The following PIK3C2G variants were observed in gnomAD, a reference collection of about 807,000 sequenced individuals.
PIK3C2G encodes the protein phosphatidylinositol 3-kinase C2 domain-containing subunit gamma.
A neutral mutation model predicts 181.1 loss-of-function variants in PIK3C2G; 168 were observed. The observed-to-expected ratio is 0.93, with a 90% CI of 0.82 to 1.05. The LOEUF (loss-of-function observed/expected upper bound fraction) is 1.05. Ranked by LOEUF, PIK3C2G falls within the 50% of genes least tolerant of loss-of-function variation. PIK3C2G has a pLI of 0.00. For synonymous variants in PIK3C2G, 573 were observed against 592.2 expected, an observed-to-expected ratio of 0.97 and a Z score of 0.47; for missense variants, 1,869 against 1,732.8, an observed-to-expected ratio of 1.08 and a Z score of -1.40.
chr12:18,631,373 G>T (rs1310206678), intron 31 of PIK3C2G, among the ~76,000 whole-genome samples: 1 of 152,120 alleles, frequency 6.6e-6, no homozygotes, highest in Non-Finnish European at 1.5e-5. Flanking sequence ...CAATATTCAA[G>T]GACCTCGTCA....
chr12:18,669,849 T>A, the PIK3C2G span, among the ~76,000 whole-genome samples: 10 of 152,236 alleles, frequency 6.6e-5, no homozygotes, highest in Admixed American at 3.3e-4. Context: ...GTTTGCTCAT[T>A]TAGCAGAGAC....
the PIK3C2G span, among the ~76,000 whole-genome samples, chr12:18,698,931 TA>T: frequency 1.3e-5 from 2 of 152,046 alleles, no homozygotes; most frequent in Non-Finnish European, 2.9e-5. Context: ...CCCCTGCTAC[TA>T]AAAAAAACTG....
intron 29 of PIK3C2G, among the ~76,000 whole-genome samples, chr12:18,582,862 C>T (rs779859164): frequency 1.3e-5 from 2 of 151,984 alleles, no homozygotes; most frequent in Non-Finnish European, 2.9e-5. Context: ...GCAAGGACCT[C>T]CCAGCTGGTA....
chr12:18,606,745 A>T (rs1407958809), intron 30 of PIK3C2G, among the ~76,000 whole-genome samples: 1 of 152,074 alleles, frequency 6.6e-6, no homozygotes, highest in African/African-American at 2.4e-5. Context: ...CTTTCTGATG[A>T]CCATTGACAA....
At chr12:18,651,213 C>G (rs1053940941), downstream of PIK3C2G, among the ~76,000 whole-genome samples, 1 of 151,948 alleles carries the variant, frequency 6.6e-6, no homozygotes, top group African/African-American at 2.4e-5. Flanking sequence ...TCAGCCAACT[C>G]CTTCTTCCCA....
At chr12:18,596,770 G>C in intron 30 of PIK3C2G, among the ~76,000 whole-genome samples, 1 of 152,060 alleles carries the variant, frequency 6.6e-6, no homozygotes, top group East Asian at 1.9e-4. Context: ...CTACATGCCA[G>C]GGTCTCACTA....
chr12:18,642,757 A>G (rs556776492), intron 32 of PIK3C2G, among the ~76,000 whole-genome samples: 1 of 151,736 alleles, frequency 6.6e-6, no homozygotes, highest in African/African-American at 2.4e-5. Context: ...GATGTGTAAT[A>G]AATATTCGGG....
rs1452033779 is a variant in PIK3C2G, at chr12:18,270,464, G to A, written c.-79+8887G>A. ...TTTTGTAGAGTTATGCTGAACTTAG[G>A]GAATAACATTAAATGTGGCCCAAGG... On this transcript the variant is annotated intron_variant, in intron 1 of 32. Transcript: ENST00000538779. Among the ~76,000 whole-genome samples the A allele has an allele frequency of 2.6e-5, 4 of 151,978 alleles. No individual in the cohort carries two copies. The East Asian group carries it at 5.8e-4, about 22-fold the overall frequency.
intron 29 of PIK3C2G, among the ~76,000 whole-genome samples, chr12:18,574,337 C>T (rs1053831873): frequency 3.3e-5 from 5 of 152,182 alleles, no homozygotes; most frequent in Non-Finnish European, 5.9e-5. Context: ...TAATGTCACC[C>T]ATGAGAACCC....
chr12:18,658,903 T>C, the PIK3C2G span, among the ~76,000 whole-genome samples: 37 of 152,240 alleles, frequency 2.4e-4, no homozygotes, highest in Non-Finnish European at 5.1e-4. Flanking sequence ...AAAAATGAGA[T>C]TTTTGTATTT....
chr12:18,686,696 T>C, the PIK3C2G span, among the ~76,000 whole-genome samples: 1 of 152,130 alleles, frequency 6.6e-6, no homozygotes, highest in Non-Finnish European at 1.5e-5. Context: ...CGAATTACTC[T>C]AAATCATAAT....
At chr12:18,588,442 C>T (rs909302438) in intron 29 of PIK3C2G, among the ~76,000 whole-genome samples, 1 of 152,026 alleles carries the variant, frequency 6.6e-6, no homozygotes, top group Non-Finnish European at 1.5e-5. Flanking sequence ...AGGACATGAA[C>T]AGACACTTTT....
chr12:18,446,672 A>G (rs545701353), intron 18 of PIK3C2G, among the ~76,000 whole-genome samples: 2 of 152,290 alleles, frequency 1.3e-5, no homozygotes, highest in East Asian at 1.9e-4. Context: ...TTGTTTTGCT[A>G]TAATTAACAT....
intron 30 of PIK3C2G, among the ~76,000 whole-genome samples, chr12:18,598,767 T>C (rs1460004025): frequency 6.7e-6 from 1 of 149,442 alleles, no homozygotes; most frequent in South Asian, 2.2e-4. Context: ...AGGGCTAATA[T>C]CCAGAATCTA....
At chr12:18,345,849 AAAC>A (rs1319072998) in intron 10 of PIK3C2G, among the ~76,000 whole-genome samples, 1 of 152,206 alleles carries the variant, frequency 6.6e-6, no homozygotes, top group East Asian at 1.9e-4. Flanking sequence ...GTGTTTGAAT[AAAC>A]AACTGTATCG....
chr12:18,338,808 A>G (rs967769942), intron 9 of PIK3C2G, among the ~76,000 whole-genome samples: 1 of 151,752 alleles, frequency 6.6e-6, no homozygotes, highest in Non-Finnish European at 1.5e-5. Flanking sequence ...CACTGATTAC[A>G]CCTTTGAAGT....
the PIK3C2G span, among the ~76,000 whole-genome samples, chr12:18,668,755 T>A: frequency 7.4e-4 from 112 of 152,214 alleles, no homozygotes; most frequent in African/African-American, 2.5e-3. Flanking sequence ...AAAGCTATAT[T>A]TATTGCTTGG....
At chr12:18,390,759 G>A (rs1355873200) in intron 14 of PIK3C2G, among the ~76,000 whole-genome samples, 5 of 151,960 alleles carry the variant, frequency 3.3e-5, no homozygotes, top group African/African-American at 4.8e-5. Flanking sequence ...TCATCATTTC[G>A]TAAGGAGACA....
chr12:18,464,660 A>G (rs899341739), intron 18 of PIK3C2G, among the ~76,000 whole-genome samples: 3 of 152,062 alleles, frequency 2.0e-5, no homozygotes, highest in African/African-American at 7.2e-5. Context: ...ACAAAAATAT[A>G]TTATTTAGTT....
Sources: gnomAD v4.1 joint callset for allele counts (sites outside exome capture counted in the v4.1 genomes callset) on GRCh38, gnomAD v4.1.1 for gene constraint, MANE v1.5 for transcripts, NCBI Gene and HGNC (gene_info 2026-07-23, HGNC 2026-07-21) for gene names.